Variants in ANKRD36 observed in about 807,000 individuals in gnomAD.
ANKRD36 encodes ankyrin repeat domain-containing protein 36A.
In ANKRD36, 179 loss-of-function variants were observed where a neutral mutation model predicts 278.1. The observed-to-expected ratio is 0.64, with a 90% CI of 0.57 to 0.73. ANKRD36 has a LOEUF of 0.73. Ranked by LOEUF, ANKRD36 falls within the 30% of genes least tolerant of loss-of-function variation. The probability of loss-of-function intolerance (pLI) is 0.00; values close to 1 mark genes in which losing one functional copy is unlikely to be tolerated. For synonymous variants in ANKRD36, 320 were observed against 641.1 expected (o/e 0.50, Z 7.57); for missense variants, 1,159 against 1,956.7 (o/e 0.59, Z 7.69).
At chr2:97,200,578 C>G in intron 46 of ANKRD36, 53 bp downstream of exon 46, 1 of 1,536,722 alleles carries the variant, frequency 6.5e-7, no homozygotes, top group East Asian at 2.4e-5. Flanking sequence ...AAGAAGTTCT[C>G]TTCCCCGAAT....
Position 97,203,286 on chromosome 2 carries a change from G to C in ANKRD36, c.2960-782G>C, listed in dbSNP as rs563962167. ...AAAATGCTCATTTTCAATGGGTATT[G>C]CAGTGATTTCTGAATGAAAAACTGA... is the stretch of plus-strand genomic sequence containing the variant. On this transcript the variant is annotated intron_variant, in intron 48 of 75. Coordinates refer to ENST00000420699, the MANE Select transcript of ANKRD36 (RefSeq NM_001354587.1). Among the ~76,000 whole-genome samples, 4 of 151,938 alleles carry C rather than the reference G, an allele frequency of 2.6e-5. No homozygotes were observed. In the East Asian group the frequency reaches 7.8e-4, roughly 30 times the overall value.
At chr2:97,188,021 G>A (rs2057794782) in intron 32 of ANKRD36, among the ~76,000 whole-genome samples, 2 of 151,694 alleles carry the variant, frequency 1.3e-5, no homozygotes, top group South Asian at 4.2e-4. Flanking sequence ...ACTGGAAGCA[G>A]GAAACAATGC....
At chr2:97,195,727 A>T (rs1423599961) in intron 40 of ANKRD36, among the ~76,000 whole-genome samples, 2 of 151,968 alleles carry the variant, frequency 1.3e-5, no homozygotes, top group African/African-American at 4.8e-5. Context: ...AAATAACATG[A>T]TACTGCCAAC....
At position 97,191,004 on chromosome 2, in the gene ANKRD36, A is replaced by G. The variant is rs745308778; in HGVS notation, c.2272A>G (p.Lys758Glu). Residue 758 changes from lysine to glutamate, a missense_variant and splice_region_variant, in exon 35 of 76, where the codon AAG becomes GAG. By Grantham distance (56) the Lys-to-Glu change is moderately conservative (BLOSUM62 1). Transcript: ENST00000420699. ...TVSSQKQPAL[K>E]ATTDEKDSVS... ...GTCTTCTCAGAAACAACCAGCCTTG[A>G]AGGTAATTAAACTCTCATTTATATT... 1 of 1,605,082 alleles carries G rather than the reference A, an allele frequency of 6.2e-7. No individual in the cohort carries two copies. The highest frequency in any genetic ancestry group is 1.1e-5 in the South Asian group (1 of 90,618).
At chr2:97,204,333 T>C (rs1455080057) in intron 50 of ANKRD36, 70 bp downstream of exon 50, 1 of 1,472,798 alleles carries the variant, frequency 6.8e-7, no homozygotes, top group African/African-American at 1.5e-5. Context: ...CCTGAATAAA[T>C]CAGCGGGGGG....
chr2:97,154,240 G>C (rs202195486), intron 14 of ANKRD36, among the ~76,000 whole-genome samples: 6,200 of 66,370 alleles, frequency 0.093, 13 homozygotes, highest in Non-Finnish European at 0.098. Context: ...ATAGATAATG[G>C]AGAAGAGACC....
chr2:97,152,127 G>A (rs368280209), intron 13 of ANKRD36, among the ~76,000 whole-genome samples, 188 bp downstream of exon 13: 2,420 of 98,584 alleles, frequency 0.025, 2 homozygotes, highest in East Asian at 0.046. Context: ...CGAGTAGCTG[G>A]GATTACAGGC....
intron 6 of ANKRD36, among the ~76,000 whole-genome samples, chr2:97,139,126 G>A (rs757111028): frequency 6.6e-6 from 1 of 151,832 alleles, no homozygotes; most frequent in Non-Finnish European, 1.5e-5. Flanking sequence ...ATTTGGGAGT[G>A]TGTGTGGGGT....
At chr2:97,220,137 T>C (rs1424531551) in intron 66 of ANKRD36, among the ~76,000 whole-genome samples, 3 of 144,040 alleles carry the variant, frequency 2.1e-5, no homozygotes, top group Admixed American at 1.4e-4. Flanking sequence ...TGTTTATGTT[T>C]ATGGAGTAGA....
rs1282778423 is a variant in ANKRD36, at chr2:97,142,490, A to G, written c.800-150A>G. 11 of 1,307,280 alleles carry G rather than the reference A, an allele frequency of 8.4e-6. No homozygotes were observed. The East Asian group carries it at 2.2e-4, about 26-fold the overall frequency. The allele number at this position is 1,307,280 out of a possible 1,614,324, so 81.0% of individuals were successfully genotyped here. On this transcript the variant is annotated intron_variant, in intron 6 of 75. Transcript: ENST00000420699. Reference sequence around the variant, plus strand: ...GTGTTTTCTTCAGTGTATTTCTGTCATGTTCCAGTCCCAAGACACAAAGTA... The same window carrying G: ...GTGTTTTCTTCAGTGTATTTCTGTCGTGTTCCAGTCCCAAGACACAAAGTA...
chr2:97,117,694 T>C (rs2035865861), intron 1 of ANKRD36, among the ~76,000 whole-genome samples: 1 of 152,098 alleles, frequency 6.6e-6, no homozygotes. Flanking sequence ...ATTATTGAGC[T>C]GTTATTTGTG....
At chr2:97,170,660 A>C (rs952421538) in intron 22 of ANKRD36, among the ~76,000 whole-genome samples, 5 of 151,980 alleles carry the variant, frequency 3.3e-5, no homozygotes, top group Non-Finnish European at 7.4e-5. Flanking sequence ...TTCATGTCCA[A>C]AACACCAAAA....
intron 11 of ANKRD36, among the ~76,000 whole-genome samples, chr2:97,148,515 T>C (rs2044951350): frequency 6.6e-6 from 1 of 152,296 alleles, no homozygotes; most frequent in African/African-American, 2.4e-5. Flanking sequence ...TTTCCAGCAG[T>C]CTCTCTCTTG....
In ANKRD36 at chr2:97,219,192, A is replaced by C. The variant is rs981708104; in HGVS notation, c.3823A>C (p.Asn1275His). 4.5e-6 allele frequency: 7 copies of C among 1,566,384 alleles called. No individual in the cohort carries two copies. The highest frequency in any genetic ancestry group is 1.2e-5 in the South Asian group (1 of 84,560). ...CATTCAGGCTACAATTGAAAATAAA[A>C]ATTCTGTTCTGAATACAGCCACCAA... The part of the protein sequence containing the change: ...PTLKATIENK[N>H]SVLNTATKMK... The change falls in exon 66 of 76, where the codon AAT becomes CAT. Residue 1275 changes from asparagine to histidine, a missense_variant. Asn to His is a moderately conservative substitution (Grantham distance 68). Coordinates refer to ENST00000420699, the MANE Select transcript of ANKRD36 (RefSeq NM_001354587.1).
chr2:97,183,430 A>G (rs1350894851), intron 26 of ANKRD36, 29 bp from the exon 27 acceptor site: 3 of 1,542,164 alleles, frequency 1.9e-6, no homozygotes, highest in Middle Eastern at 2.3e-4. Context: ...TTTACATATG[A>G]TGGATTATAT....
intron 6 of ANKRD36, among the ~76,000 whole-genome samples, chr2:97,138,202 T>C (rs1228170483): frequency 6.6e-6 from 1 of 152,080 alleles, no homozygotes; most frequent in East Asian, 1.9e-4. Context: ...AAACAAATTG[T>C]CTCAGCCCCA....
chr2:97,195,057 G>A (rs1414161842), intron 40 of ANKRD36, 140 bp downstream of exon 40: 25 of 1,301,094 alleles, frequency 1.9e-5, no homozygotes, highest in Non-Finnish European at 2.5e-5. Flanking sequence ...ATAAGTTCTT[G>A]GGTTATGCTG....
intron 48 of ANKRD36, among the ~76,000 whole-genome samples, chr2:97,203,762 G>A (rs2062034769): frequency 6.6e-6 from 1 of 151,810 alleles, no homozygotes; most frequent in African/African-American, 2.4e-5. Context: ...TTGCTCCTCT[G>A]ATTTTAGATC....
chr2:97,180,008 TG>T lies in ANKRD36; in HGVS notation c.1735+79del. The T allele has an allele frequency of 7.5e-6, 12 of 1,589,462 alleles. No homozygotes were observed. The South Asian group carries it at 1.1e-4, about 15-fold the overall frequency. ...AACTTCCCTTACCCAAATAAATCAG[TG>T]GGGAGTCCATCTAAGCTGCACGTTC... On this transcript the variant is annotated intron_variant, in intron 24 of 75. Coordinates refer to ENST00000420699, the MANE Select transcript of ANKRD36 (RefSeq NM_001354587.1).
Sources: allele counts gnomAD v4.1 joint callset (sites outside exome capture counted in the v4.1 genomes callset), GRCh38; gene constraint gnomAD v4.1.1; transcripts MANE v1.5; gene names NCBI Gene and HGNC (gene_info 2026-07-23, HGNC 2026-07-21).